Variants in RAB6B observed in about 807,000 individuals in gnomAD.
RAB6B encodes the protein RAB6B, member RAS oncogene family, also known as ras-related protein Rab-6B.
A neutral mutation model predicts 31.2 loss-of-function variants in RAB6B; 7 were observed. That is an observed-to-expected ratio of 0.22 (90% CI 0.13 to 0.42). The LOEUF is 0.42. RAB6B is among the 10% of genes least tolerant of loss of function. The pLI is 1.00. For missense variants in RAB6B, 149 were observed against 280.6 expected, an observed-to-expected ratio of 0.53 and a Z score of 3.35; for synonymous variants, 105 against 104.9, an observed-to-expected ratio of 1.00 and a Z score of -0.01.
chr3:133,833,954 G>A (rs965873025), intron 7 of RAB6B, among the ~76,000 whole-genome samples: 2 of 152,264 alleles, frequency 1.3e-5, no homozygotes, highest in African/African-American at 4.8e-5. Flanking sequence ...GCAAGCCTGA[G>A]TGTGAATCCT....
chr3:133,878,284 T>C (rs140798517), intron 1 of RAB6B, among the ~76,000 whole-genome samples: 1,853 of 151,868 alleles, frequency 0.012, 28 homozygotes, highest in South Asian at 0.021. Context: ...ATAAAAGTAG[T>C]CAGAGAAAAA....
At chr3:133,871,672 G>C (rs1936325400) in intron 1 of RAB6B, among the ~76,000 whole-genome samples, 1 of 152,242 alleles carries the variant, frequency 6.6e-6, no homozygotes, top group South Asian at 2.1e-4. Context: ...AGCGGGTGTG[G>C]GTGTGGGTGG....
rs1352831020 is a variant in RAB6B at position 133,828,181 on chromosome 3, A to G, written c.*607T>C. On this transcript the variant is annotated 3_prime_UTR_variant, in exon 8 of 8. Coordinates refer to ENST00000285208, the MANE Select transcript of RAB6B (RefSeq NM_016577.4). ...CAGCTCCACACGAGGTTGACGACCCACTCTGGCCATGGAAAGACAAGAGTC... is the reference window on the plus strand; with the variant it reads ...CAGCTCCACACGAGGTTGACGACCCGCTCTGGCCATGGAAAGACAAGAGTC... 1 of 582,934 alleles carries G rather than the reference A, an allele frequency of 1.7e-6. No individual in the cohort carries two copies. The highest frequency in any genetic ancestry group is 2.8e-5 in the East Asian group (1 of 35,296). The allele number at this position is 582,934 out of a possible 1,614,324, so 36.1% of individuals were successfully genotyped here.
At chr3:133,886,102 G>A (rs536143060) in intron 1 of RAB6B, among the ~76,000 whole-genome samples, 8 of 151,946 alleles carry the variant, frequency 5.3e-5, no homozygotes, top group Admixed American at 2.0e-4. Flanking sequence ...TTCTCCACCC[G>A]CACCAGAATC....
intron 7 of RAB6B, among the ~76,000 whole-genome samples, chr3:133,833,231 G>A (rs74720826): frequency 0.031 from 4,735 of 152,278 alleles, 258 homozygotes; most frequent in African/African-American, 0.11. Flanking sequence ...GAGCTCTGGA[G>A]CCTGTCTCTG....
chr3:133,867,518 C>T (rs1936254320), intron 1 of RAB6B, among the ~76,000 whole-genome samples: 1 of 152,212 alleles, frequency 6.6e-6, no homozygotes, highest in South Asian at 2.1e-4. Context: ...CTGAGTGGGG[C>T]TGGGATGTGG....
At chr3:133,832,872 C>T (rs965744589) in intron 7 of RAB6B, among the ~76,000 whole-genome samples, 8 of 152,322 alleles carry the variant, frequency 5.3e-5, no homozygotes, top group Admixed American at 2.0e-4. Flanking sequence ...CTGGATGAAA[C>T]GCTAGGCATA....
chr3:133,864,648 AAAC>A lies in RAB6B; in HGVS notation c.71-9_71-7del, dbSNP rs1183978078. On this transcript the variant is annotated splice_region_variant and splice_polypyrimidine_tract_variant and intron_variant, in intron 1 of 7. Coordinates refer to ENST00000285208, the MANE Select transcript of RAB6B (RefSeq NM_016577.4). ...AATCAGAGACGTCTTCCCGACTGCA[AAAC>A]AACAAGGAGAGAGGTGTTCAGTCAT... is the stretch of plus-strand genomic sequence containing the variant. The A allele has an allele frequency of 3.1e-6, 5 of 1,613,626 alleles. No homozygotes were observed. The African/African-American group carries it at 4.0e-5, about 13-fold the overall frequency.
At chr3:133,860,703 C>T (rs996368133) in intron 2 of RAB6B, among the ~76,000 whole-genome samples, 6 of 152,170 alleles carry the variant, frequency 3.9e-5, no homozygotes, top group African/African-American at 7.2e-5. Flanking sequence ...AAGGATCCAG[C>T]GCAGGCAGAG....
At chr3:133,876,188 C>G (rs1936395067) in intron 1 of RAB6B, among the ~76,000 whole-genome samples, 1 of 152,180 alleles carries the variant, frequency 6.6e-6, no homozygotes, top group Non-Finnish European at 1.5e-5. Flanking sequence ...TCACGTAAGA[C>G]TCTACCAGAT....
intron 7 of RAB6B, among the ~76,000 whole-genome samples, chr3:133,831,175 G>A (rs1935651173): frequency 6.6e-6 from 1 of 152,182 alleles, no homozygotes; most frequent in Non-Finnish European, 1.5e-5. Context: ...AAAATTTTCT[G>A]GGATGTTTGT....
chr3:133,841,065 C>A (rs1935818517), intron 4 of RAB6B, among the ~76,000 whole-genome samples: 1 of 152,196 alleles, frequency 6.6e-6, no homozygotes, highest in Admixed American at 6.5e-5. Context: ...CTATAAACCC[C>A]TGTCGGTTGC....
At chr3:133,893,049 G>A (rs1053994365) in intron 1 of RAB6B, among the ~76,000 whole-genome samples, 1 of 152,002 alleles carries the variant, frequency 6.6e-6, no homozygotes, top group African/African-American at 2.4e-5. Flanking sequence ...AGGCACCAGG[G>A]TGGCCAGCAG....
intron 5 of RAB6B, among the ~76,000 whole-genome samples, chr3:133,838,536 C>A (rs1034078644): frequency 6.6e-6 from 1 of 152,198 alleles, no homozygotes; most frequent in African/African-American, 2.4e-5. Context: ...CTGCCCCATA[C>A]CTGCCTTTCC....
chr3:133,839,435 A>G (rs997517245), intron 5 of RAB6B, 71 bp downstream of exon 5: 58 of 1,315,860 alleles, frequency 4.4e-5, no homozygotes, highest in Non-Finnish European at 6.2e-5. Context: ...TGCATCCCAG[A>G]GCTCCCTGTC....
intron 1 of RAB6B, 141 bp downstream of exon 1, chr3:133,895,256 G>C: frequency 1.5e-4 from 61 of 397,636 alleles, no homozygotes; most frequent in East Asian, 4.8e-4. Context: ...ACCCCGCCCC[G>C]ACCTCCCCAT....
intron 2 of RAB6B, among the ~76,000 whole-genome samples, chr3:133,862,204 C>G (rs1936169985): frequency 6.6e-6 from 1 of 152,004 alleles, no homozygotes; most frequent in South Asian, 2.1e-4. Flanking sequence ...TGTCACCACA[C>G]TGGGTCCTTG....
chr3:133,895,268 C>G (rs558316537), intron 1 of RAB6B, 129 bp downstream of exon 1: 1 of 1,009,164 alleles, frequency 9.9e-7, no homozygotes, highest in East Asian at 2.7e-5. Flanking sequence ...CCTCCCCATC[C>G]CTGTCCCTCT....
intron 7 of RAB6B, among the ~76,000 whole-genome samples, chr3:133,832,257 A>G (rs1211422620): frequency 3.3e-5 from 5 of 152,142 alleles, no homozygotes; most frequent in Non-Finnish European, 4.4e-5. Flanking sequence ...TGGCTCTACC[A>G]TTTGGTGGCC....
Sources: gnomAD v4.1 joint callset for allele counts (sites outside exome capture counted in the v4.1 genomes callset) on GRCh38, gnomAD v4.1.1 for gene constraint, MANE v1.5 for transcripts, NCBI Gene and HGNC (gene_info 2026-07-23, HGNC 2026-07-21) for gene names.